Variants in IKZF2 observed in about 807,000 individuals in gnomAD.
IKZF2 encodes the protein zinc finger protein Helios.
IKZF2 carries 15 observed loss-of-function variants against 49.2 expected under a neutral mutation model. That is an observed-to-expected ratio of 0.30 (90% CI 0.20 to 0.47). The LOEUF is 0.47. Ranked by LOEUF, IKZF2 falls within the 20% of genes least tolerant of loss-of-function variation. IKZF2 has a pLI of 1.00. For missense variants in IKZF2, 567 were observed against 664.6 expected, an observed-to-expected ratio of 0.85 and a Z score of 1.61; for synonymous variants, 227 against 221.4, an observed-to-expected ratio of 1.03 and a Z score of -0.23.
intron 4 of IKZF2, among the ~76,000 whole-genome samples, chr2:213,141,309 A>G (rs994743643): frequency 1.3e-5 from 2 of 151,944 alleles, no homozygotes; most frequent in South Asian, 2.1e-4. Context: ...CCCATCCACA[A>G]TCTTTTTCCC....
intron 4 of IKZF2, among the ~76,000 whole-genome samples, chr2:213,096,288 A>G (rs1470203536): frequency 6.6e-6 from 1 of 152,028 alleles, no homozygotes; most frequent in Non-Finnish European, 1.5e-5. Flanking sequence ...GCTGCTAACT[A>G]TAGGTAAAAA....
At chr2:213,055,382 C>T (rs1701046804) in intron 5 of IKZF2, among the ~76,000 whole-genome samples, 1 of 151,754 alleles carries the variant, frequency 6.6e-6, no homozygotes, top group Non-Finnish European at 1.5e-5. Flanking sequence ...TTTTCTAAGA[C>T]ACTTAAAAAT....
At chr2:213,013,969 T>C in intron 7 of IKZF2, 35 bp from the exon 8 acceptor site, 1 of 1,600,130 alleles carries the variant, frequency 6.2e-7, no homozygotes, top group Non-Finnish European at 8.6e-7. Context: ...AATCTGATAA[T>C]TTCTTCAACA....
rs1288510127 is a variant in IKZF2, at chr2:213,147,622, G to C, written c.139+86C>G. The C allele has an allele frequency of 6.4e-6, 6 of 931,198 alleles. No homozygotes were observed. In the Middle Eastern group the frequency reaches 1.1e-3, roughly 164 times the overall value. 57.7% of individuals were successfully genotyped at this position (931,198 alleles called of 1,614,324 possible). A position where few individuals can be genotyped will look rare whatever the true frequency, so the allele number is the denominator to read the frequency against. On this transcript the variant is annotated intron_variant, in intron 4 of 8. Coordinates refer to ENST00000434687, the MANE Select transcript of IKZF2 (RefSeq NM_001387220.1). ...TATAACAGTAGCTATACCACAATGT[G>C]AGAGGACCCCACAGACCTAACAAAT... is the stretch of plus-strand genomic sequence containing the variant.
At chr2:213,025,936 G>A (rs577117802) in intron 6 of IKZF2, among the ~76,000 whole-genome samples, 9 of 152,100 alleles carry the variant, frequency 5.9e-5, no homozygotes, top group South Asian at 2.1e-4. Context: ...CACAATCAAC[G>A]TCCTAGTTCA....
At chr2:213,083,197 A>G (rs1041673613) in intron 4 of IKZF2, among the ~76,000 whole-genome samples, 2 of 152,148 alleles carry the variant, frequency 1.3e-5, no homozygotes, top group Admixed American at 1.3e-4. Context: ...AATAACTTCT[A>G]TAAGTTCTAG....
At chr2:213,127,558 T>C (rs1451651949) in intron 4 of IKZF2, among the ~76,000 whole-genome samples, 1 of 152,162 alleles carries the variant, frequency 6.6e-6, no homozygotes, top group Non-Finnish European at 1.5e-5. Context: ...AAGTTTGTAA[T>C]TGTCATATTT....
At chr2:213,026,773 G>A (rs1345432249) in intron 6 of IKZF2, among the ~76,000 whole-genome samples, 2 of 151,766 alleles carry the variant, frequency 1.3e-5, no homozygotes, top group Admixed American at 1.3e-4. Context: ...TTTATAACCT[G>A]CTTATTTTAC....
intron 8 of IKZF2, among the ~76,000 whole-genome samples, chr2:213,011,977 A>T (rs1696015436): frequency 6.6e-6 from 1 of 152,084 alleles, no homozygotes; most frequent in Non-Finnish European, 1.5e-5. Flanking sequence ...ATCTAAGCTG[A>T]ATAAGAAAAG....
At chr2:213,079,898 T>C (rs1162958001) in intron 4 of IKZF2, among the ~76,000 whole-genome samples, 3 of 152,162 alleles carry the variant, frequency 2.0e-5, no homozygotes, top group African/African-American at 7.2e-5. Context: ...TGCTTTCCTA[T>C]CACCTGCCCC....
intron 4 of IKZF2, among the ~76,000 whole-genome samples, chr2:213,079,512 A>C (rs1376583979): frequency 1.3e-5 from 2 of 149,252 alleles, no homozygotes; most frequent in African/African-American, 4.9e-5. Context: ...AGAGAGAAGA[A>C]AGGAAGGAAG....
intron 4 of IKZF2, among the ~76,000 whole-genome samples, chr2:213,109,864 T>C (rs1035480306): frequency 2.0e-5 from 3 of 152,082 alleles, no homozygotes; most frequent in African/African-American, 7.2e-5. Flanking sequence ...TCTTGATTTT[T>C]GTACAACTGG....
At chr2:213,079,526 G>A (rs1703689203) in intron 4 of IKZF2, among the ~76,000 whole-genome samples, 1 of 148,568 alleles carries the variant, frequency 6.7e-6, no homozygotes, top group Admixed American at 6.8e-5. Flanking sequence ...AAGGAAGGCA[G>A]GAAGGGAGGG....
chr2:213,110,024 T>C (rs1248855344), intron 4 of IKZF2, among the ~76,000 whole-genome samples: 1 of 152,076 alleles, frequency 6.6e-6, no homozygotes, highest in Non-Finnish European at 1.5e-5. Context: ...GTAAGGAATC[T>C]ACATCTAAAT....
chr2:213,091,815 T>C (rs1383535274), intron 4 of IKZF2, among the ~76,000 whole-genome samples: 1 of 152,038 alleles, frequency 6.6e-6, no homozygotes, highest in Admixed American at 6.6e-5. Flanking sequence ...GCTGGTCCTC[T>C]CCATGGCCAC....
intron 4 of IKZF2, chr2:213,097,972 A>G (rs1275286290): frequency 3.2e-6 from 1 of 310,076 alleles, no homozygotes; most frequent in Non-Finnish European, 6.5e-6. Flanking sequence ...TATAAATTAG[A>G]GAAAGCTTTT....
At chr2:213,102,342 A>G (rs949850877) in intron 4 of IKZF2, among the ~76,000 whole-genome samples, 3 of 152,128 alleles carry the variant, frequency 2.0e-5, no homozygotes, top group African/African-American at 7.2e-5. Flanking sequence ...AAATAGAAAA[A>G]GAAAGTGGAA....
chr2:213,017,090 A>T (rs1021448537), intron 7 of IKZF2: 1 of 151,936 alleles, frequency 6.6e-6, no homozygotes, highest in African/African-American at 2.4e-5. Flanking sequence ...TCTTGACAGC[A>T]TTTGGCAGTG....
In IKZF2 at chr2:213,007,143, GA is replaced by G. The variant is rs1695413365; in HGVS notation, c.*216del. 2.1e-6 allele frequency: 1 copy of G among 479,478 alleles called. No individual in the cohort carries two copies. The highest frequency in any genetic ancestry group is 3.6e-6 in the Non-Finnish European group (1 of 279,478). 29.7% of individuals were successfully genotyped at this position (479,478 alleles called of 1,614,324 possible). A position where few individuals can be genotyped will look rare whatever the true frequency, so the allele number is the denominator to read the frequency against. On this transcript the variant is annotated 3_prime_UTR_variant, in exon 9 of 9. Transcript: ENST00000434687. ...CAAAATAAACAAGCCAGGTGATAAA[GA>G]AACAATATTCCCGCCCCTTCTCTCT...
Sources: allele counts gnomAD v4.1 joint callset (sites outside exome capture counted in the v4.1 genomes callset), GRCh38; gene constraint gnomAD v4.1.1; transcripts MANE v1.5; gene names NCBI Gene and HGNC (gene_info 2026-07-23, HGNC 2026-07-21).